DDX55: variants seen among roughly 807,000 people sequenced by gnomAD.
The protein encoded by DDX55 is ATP-dependent RNA helicase DDX55.
In DDX55, 56 loss-of-function variants were observed where a neutral mutation model predicts 69.2. The ratio of observed to expected loss-of-function variants is 0.81; its 90% CI spans 0.65 to 1.01. The LOEUF (loss-of-function observed/expected upper bound fraction) is 1.01, where lower values mean the gene tolerates loss of function less well. DDX55 is among the 50% of genes least tolerant of loss of function. The pLI is 0.00. For missense variants in DDX55, 720 were observed against 745.1 expected, an observed-to-expected ratio of 0.97 and a Z score of 0.39; for synonymous variants, 268 against 273.1, an observed-to-expected ratio of 0.98 and a Z score of 0.18.
At position 123,618,828 on chromosome 12, in the gene DDX55, A is replaced by C; in HGVS notation, c.1324A>C (p.Arg442=). 6.2e-7 allele frequency: 1 copy of C among 1,614,078 alleles called. No homozygotes were observed. Among genetic ancestry groups the C allele is most frequent in the Admixed American group, 1.7e-5 (1 of 59,998 alleles). Residue 442 remains arginine (R), a synonymous_variant, in exon 12 of 14, where the codon AGA becomes CGA. Coordinates refer to ENST00000238146, the MANE Select transcript of DDX55 (RefSeq NM_020936.3). ...AAAGCATGAATGCAACCTGATTTTC[A>C]GATTAAAGGGTAAGTTGGACTTCTT... The part of the protein sequence containing the change: ...YAKHECNLIF[R]LKDLDFASLA...
At chr12:123,602,403 A>T in intron 1 of DDX55, 147 bp downstream of exon 1, 1 of 811,784 alleles carries the variant, frequency 1.2e-6, no homozygotes, top group Non-Finnish European at 1.8e-6. Context: ...AGCTGCCCAG[A>T]CTGGCGGAAT....
At chr12:123,617,636 A>G (rs1452684626) in intron 10 of DDX55, 122 bp from the exon 11 acceptor site, 2 of 731,458 alleles carry the variant, frequency 2.7e-6, no homozygotes, top group African/African-American at 3.7e-5. Context: ...CCGAGTCCAC[A>G]CTGAGCTGTG....
Position 123,607,634 on chromosome 12 carries a change from G to C in DDX55, c.373G>C (p.Glu125Gln). The stretch of plus-strand genomic sequence containing the variant: ...TTGGATCGGAGGCAGGAATCCTGGA[G>C]AAGATGTTGAGAGGTTTAAGCAACA... ...ILWIGGRNPG[E>Q]DVERFKQQGG... is the part of the protein sequence containing the mutation. Residue 125 changes from glutamate to glutamine, a missense_variant, in exon 5 of 14, where the codon GAA (glutamate) becomes CAA (glutamine). Transcript: ENST00000238146. 6.2e-7 allele frequency: 1 copy of C among 1,614,186 alleles called. No individual in the cohort carries two copies. The highest frequency in any genetic ancestry group is 1.1e-5 in the South Asian group (1 of 91,088).
chr12:123,607,382 C>T (rs373494396), intron 3 of DDX55, 50 bp from the exon 4 acceptor site: 3 of 1,600,362 alleles, frequency 1.9e-6, no homozygotes, highest in African/African-American at 2.7e-5. Flanking sequence ...GAGTTCCTCT[C>T]TGGGAGTCCC....
In DDX55 at chr12:123,613,227, C is replaced by T; in HGVS notation, c.799C>T (p.Gln267Ter). ...GGTCCATTTTCTTCGCAATCATAAG[C>T]AGGAGAAACACCTGGTCTTCTTCAG... is the stretch of plus-strand genomic sequence containing the variant. ...QLVHFLRNHK[Q>*]EKHLVFFSTC... The change falls in exon 8 of 14, where the codon CAG (glutamine) becomes TAG (stop). Residue 267 changes from glutamine to a stop codon, truncating the protein, a stop_gained. Transcript: ENST00000238146. LOFTEE classifies it high-confidence loss of function. 1 of 1,614,102 alleles carries T rather than the reference C, an allele frequency of 6.2e-7. No homozygotes were observed. Among genetic ancestry groups the T allele is most frequent in the South Asian group, 1.1e-5 (1 of 91,076 alleles).
intron 8 of DDX55, among the ~76,000 whole-genome samples, chr12:123,613,539 A>G (rs780326323): frequency 3.9e-5 from 6 of 152,076 alleles, no homozygotes; most frequent in Admixed American, 1.3e-4. Flanking sequence ...CACCTCATGG[A>G]TTCTGGATGA....
At chr12:123,607,788 T>C in intron 5 of DDX55, 126 bp downstream of exon 5, 1 of 1,339,896 alleles carries the variant, frequency 7.5e-7, no homozygotes, top group Non-Finnish European at 1.1e-6. Context: ...AAAAAGGTGT[T>C]TTCTCCAGGC....
At position 123,610,909 on chromosome 12, in the gene DDX55, T is replaced by G. The variant is rs567627814; in HGVS notation, c.741+781T>G. 8.7e-4 allele frequency among the ~76,000 whole-genome samples: 129 copies of G among 147,984 alleles called. 1 individual carries two copies. Among genetic ancestry groups the G allele is most frequent in the African/African-American group, 2.8e-3 (112 of 39,326 alleles). On this transcript the variant is annotated intron_variant, in intron 7 of 13. Coordinates refer to ENST00000238146, the MANE Select transcript of DDX55 (RefSeq NM_020936.3). The stretch of plus-strand genomic sequence containing the variant: ...CCGGCCGTTTTTTTTTGTTTGTTTT[T>G]TTTTGTTTTGAGACGGGGTCTCACC...
intron 10 of DDX55, among the ~76,000 whole-genome samples, chr12:123,617,315 C>T (rs1207622468): frequency 2.6e-5 from 4 of 152,148 alleles, no homozygotes; most frequent in Non-Finnish European, 5.9e-5. Flanking sequence ...TACATACCAC[C>T]ACATGTGAAA....
chr12:123,618,742 C>T lies in DDX55; in HGVS notation c.1238C>T (p.Ala413Val). 1 of 1,614,172 alleles carries T rather than the reference C, an allele frequency of 6.2e-7. No homozygotes were observed. Residue 413 changes from alanine to valine, a missense_variant, in exon 12 of 14, where the codon GCT becomes GTT. Ala to Val is a moderately conservative substitution (Grantham distance 64). Transcript: ENST00000238146. ...CCAAAACTCAAGTCCATGGCCCTGG[C>T]TGACAGAGCTGTGTTTGAAAAGGGC... ...LLPKLKSMAL[A>V]DRAVFEKGMK...
At chr12:123,602,579 G>C (rs1212033524) in intron 1 of DDX55, among the ~76,000 whole-genome samples, 2 of 152,174 alleles carry the variant, frequency 1.3e-5, no homozygotes, top group African/African-American at 4.8e-5. Context: ...TCTGTGAAAT[G>C]ACGAAAAAAT....
intron 8 of DDX55, 28 bp from the exon 9 acceptor site, chr12:123,615,157 G>T: frequency 6.2e-7 from 1 of 1,612,568 alleles, no homozygotes; most frequent in South Asian, 1.1e-5. Flanking sequence ...AGTGGCCAAT[G>T]ACTCTAAGCC....
At position 123,616,583 on chromosome 12, in the gene DDX55, T is replaced by C. The variant is rs1172497592; in HGVS notation, c.1029T>C (p.Tyr343=). The change falls in exon 10 of 14, where the codon TAT becomes TAC. Residue 343 remains tyrosine, a synonymous_variant. Coordinates refer to ENST00000238146, the MANE Select transcript of DDX55 (RefSeq NM_020936.3). ...CTGAAGTCAACTGGGTTTTGCAGTA[T>C]GACCCTCCCAGCAATGCAAGGTATG... ...DIPEVNWVLQ[Y]DPPSNASAFV... The C allele has an allele frequency of 6.2e-7, 1 of 1,614,168 alleles. No homozygotes were observed. The highest frequency in any genetic ancestry group is 1.1e-5 in the South Asian group (1 of 91,090).
intron 3 of DDX55, among the ~76,000 whole-genome samples, chr12:123,606,875 C>T (rs766695279): frequency 1.3e-5 from 2 of 152,176 alleles, no homozygotes; most frequent in Non-Finnish European, 2.9e-5. Context: ...CGCGCCCGGC[C>T]ATTTTGCACA....
In DDX55 at chr12:123,602,141, A is replaced by G. The variant is rs1406626402; in HGVS notation, c.-8A>G. The G allele has an allele frequency of 1.3e-6, 2 of 1,544,754 alleles. No homozygotes were observed. The highest frequency in any genetic ancestry group is 1.7e-6 in the Non-Finnish European group (2 of 1,145,770). ...GCAGCGGCGACCGACGCGGCGAAGG[A>G]GCGCGCCATGGAGCATGTGACAGAG... On this transcript the variant is annotated 5_prime_UTR_variant, in exon 1 of 14. Coordinates refer to ENST00000238146, the MANE Select transcript of DDX55 (RefSeq NM_020936.3).
chr12:123,608,737 C>G lies in DDX55; in HGVS notation c.459C>G (p.Ala153=), dbSNP rs143069601. 1.2e-5 allele frequency: 19 copies of G among 1,613,946 alleles called. No individual in the cohort carries two copies. The East Asian group carries it at 4.2e-4, about 36-fold the overall frequency. The change falls in exon 6 of 14, where the codon GCC becomes GCG. Residue 153 remains alanine, a synonymous_variant. Transcript: ENST00000238146. ...GRLEDMFRRK[A]EGLDLASCVR... is the part of the protein sequence containing the mutation. Reference sequence around the variant, plus strand: ...TGGAGGACATGTTCCGGAGGAAGGCCGAAGGCTTGGATCTGGCCAGCTGTG... The same window carrying G: ...TGGAGGACATGTTCCGGAGGAAGGCGGAAGGCTTGGATCTGGCCAGCTGTG...
intron 1 of DDX55, among the ~76,000 whole-genome samples, chr12:123,602,824 TGAAA>T (rs1953649970): frequency 6.6e-6 from 1 of 152,172 alleles, no homozygotes; most frequent in South Asian, 2.1e-4. Context: ...GTAAGTGTTA[TGAAA>T]GAACTAAGAC....
At chr12:123,606,182 A>C (rs756201015) in intron 3 of DDX55, 23 bp downstream of exon 3, 1 of 1,612,434 alleles carries the variant, frequency 6.2e-7, no homozygotes, top group Non-Finnish European at 8.5e-7. Context: ...AAAGTGATTT[A>C]TTTTCACCTA....
intron 9 of DDX55, 25 bp downstream of exon 9, chr12:123,615,341 C>T (rs1185385851): frequency 4.3e-6 from 7 of 1,610,978 alleles, no homozygotes; most frequent in Admixed American, 1.7e-5. Context: ...TTGAAGGTAG[C>T]AGCTCTCCTG....
Sources: gnomAD v4.1 joint callset for allele counts (sites outside exome capture counted in the v4.1 genomes callset) on GRCh38, gnomAD v4.1.1 for gene constraint, MANE v1.5 for transcripts, NCBI Gene and HGNC (gene_info 2026-07-23, HGNC 2026-07-21) for gene names.